Variants in SCD5 observed in about 807,000 individuals in gnomAD.
SCD5 encodes stearoyl-CoA desaturase 5, also known as acyl-CoA-desaturase 4.
Under a neutral mutation model 30.4 loss-of-function variants are expected in SCD5, and 20 were observed. The observed-to-expected ratio is 0.66, with a 90% CI of 0.46 to 0.96. SCD5 has a LOEUF of 0.96. Ranked by LOEUF, SCD5 falls within the 40% of genes least tolerant of loss-of-function variation. The pLI is 0.00. For missense variants in SCD5, 381 were observed against 443.3 expected (o/e 0.86, Z 1.26); for synonymous variants, 173 against 176.4 (o/e 0.98, Z 0.16).
At chr4:82,636,888 G>A in intron 3 of SCD5, 65 bp from the exon 4 acceptor site, 1 of 1,386,318 alleles carries the variant, frequency 7.2e-7, no homozygotes, top group Non-Finnish European at 9.8e-7. Flanking sequence ...GGCTGAGCAA[G>A]TCACAGGAAA....
At chr4:82,689,776 G>C (rs1258659023) in intron 2 of SCD5, among the ~76,000 whole-genome samples, 1 of 152,144 alleles carries the variant, frequency 6.6e-6, no homozygotes, top group Non-Finnish European at 1.5e-5. Context: ...GAGAAACTTA[G>C]CAGATGCCAC....
chr4:82,704,978 G>A (rs935653568), intron 2 of SCD5, among the ~76,000 whole-genome samples: 5 of 152,204 alleles, frequency 3.3e-5, no homozygotes, highest in Non-Finnish European at 7.3e-5. Context: ...ACAGAACTTG[G>A]CCCCTGGTTA....
intron 1 of SCD5, among the ~76,000 whole-genome samples, chr4:82,785,466 C>A (rs1412017848): frequency 6.6e-6 from 1 of 152,208 alleles, no homozygotes; most frequent in African/African-American, 2.4e-5. Flanking sequence ...TTCGTTTGTC[C>A]TGTCACTTCC....
chr4:82,662,857 CAA>C (rs11340677), intron 3 of SCD5, among the ~76,000 whole-genome samples: 16 of 72,828 alleles, frequency 2.2e-4, no homozygotes, highest in Middle Eastern at 8.2e-3. Context: ...AACTCCGTCT[CAA>C]AAAAAAAAAA....
chr4:82,727,702 T>C (rs1476026303), intron 1 of SCD5, among the ~76,000 whole-genome samples: 16 of 152,170 alleles, frequency 1.1e-4, no homozygotes, highest in Non-Finnish European at 2.9e-5. Flanking sequence ...GCCTTGAGAC[T>C]TTTTGTTTCA....
At chr4:82,637,728 A>C (rs942303634) in intron 3 of SCD5, among the ~76,000 whole-genome samples, 1 of 152,202 alleles carries the variant, frequency 6.6e-6, no homozygotes, top group African/African-American at 2.4e-5. Flanking sequence ...GGCCTCTGTT[A>C]AGATGCATAT....
At chr4:82,670,794 T>C (rs371789949) in intron 3 of SCD5, among the ~76,000 whole-genome samples, 20 of 151,568 alleles carry the variant, frequency 1.3e-4, no homozygotes, top group Admixed American at 2.6e-4. Context: ...ACATGGCAAA[T>C]ATCAATTCCA....
intron 3 of SCD5, among the ~76,000 whole-genome samples, chr4:82,639,370 G>A (rs1727493972): frequency 6.6e-6 from 1 of 152,220 alleles, no homozygotes; most frequent in South Asian, 2.1e-4. Context: ...AGGGAAGAAG[G>A]CAGCACTGGG....
At chr4:82,667,269 T>C (rs201959981) in intron 3 of SCD5, among the ~76,000 whole-genome samples, 1 of 151,112 alleles carries the variant, frequency 6.6e-6, no homozygotes, top group Non-Finnish European at 1.5e-5. Flanking sequence ...TGTATTTTTA[T>C]ACACACACAC....
chr4:82,680,230 T>C (rs577324416), intron 3 of SCD5, among the ~76,000 whole-genome samples: 33 of 152,338 alleles, frequency 2.2e-4, no homozygotes, highest in Non-Finnish European at 2.5e-4. Flanking sequence ...AGAAACCTAC[T>C]AGTGTAACGT....
intron 3 of SCD5, among the ~76,000 whole-genome samples, chr4:82,647,671 A>G (rs1271446003): frequency 6.6e-6 from 1 of 152,184 alleles, no homozygotes; most frequent in African/African-American, 2.4e-5. Context: ...GATTTGCTCC[A>G]GACAGCCTAC....
chr4:82,754,481 T>C (rs1325042271), intron 1 of SCD5, among the ~76,000 whole-genome samples: 1 of 152,090 alleles, frequency 6.6e-6, no homozygotes, highest in Non-Finnish European at 1.5e-5. Flanking sequence ...TGGGTGGTCC[T>C]AAGAGGGAGA....
At chr4:82,773,466 C>T (rs1241380653) in intron 1 of SCD5, among the ~76,000 whole-genome samples, 1 of 152,162 alleles carries the variant, frequency 6.6e-6, no homozygotes, top group East Asian at 1.9e-4. Context: ...AGTCCTTCTG[C>T]AAGTGGAGGG....
chr4:82,734,766 A>AT lies in SCD5; in HGVS notation c.233-29354dup, dbSNP rs200082291. On this transcript the variant is annotated intron_variant, in intron 1 of 4. Coordinates refer to ENST00000319540, the MANE Select transcript of SCD5 (RefSeq NM_001037582.3). ...GTCAATATTTATAAAGTTGAGCTCA[A>AT]TTTTTTTTTTTTTTTTGAGACAGGG... is the stretch of plus-strand genomic sequence containing the variant. Among the ~76,000 whole-genome samples, 851 of 139,668 alleles carry AT rather than the reference A, an allele frequency of 6.1e-3. 3 individuals carry two copies. The highest frequency in any genetic ancestry group is 0.015 in the South Asian group (64 of 4,352). The allele number at this position is 139,668 out of a possible 152,430, so 91.6% of individuals were successfully genotyped here. A position where few individuals can be genotyped will look rare whatever the true frequency, so the allele number is the denominator to read the frequency against.
chr4:82,753,235 C>G, intron 1 of SCD5: 1 of 435,014 alleles, frequency 2.3e-6, no homozygotes, highest in South Asian at 1.6e-5. Context: ...GCTTTTACAG[C>G]CACCCAAGCC....
chr4:82,745,210 C>T (rs1720955047), intron 1 of SCD5, among the ~76,000 whole-genome samples: 2 of 152,174 alleles, frequency 1.3e-5, no homozygotes, highest in African/African-American at 2.4e-5. Flanking sequence ...GATGTCTGAT[C>T]CGGTGACTAC....
intron 1 of SCD5, among the ~76,000 whole-genome samples, chr4:82,741,238 T>C (rs962263746): frequency 7.9e-5 from 12 of 152,038 alleles, no homozygotes; most frequent in Admixed American, 7.9e-4. Flanking sequence ...GCGCCCAGCC[T>C]CTTTTCCCAC....
intron 1 of SCD5, among the ~76,000 whole-genome samples, chr4:82,736,393 G>A (rs574050877): frequency 1.3e-5 from 2 of 152,098 alleles, no homozygotes; most frequent in African/African-American, 2.4e-5. Flanking sequence ...TGGATCAGCC[G>A]AGGTCAGGAG....
chr4:82,706,257 A>C (rs1719966612), intron 1 of SCD5, among the ~76,000 whole-genome samples: 1 of 152,234 alleles, frequency 6.6e-6, no homozygotes, highest in Non-Finnish European at 1.5e-5. Flanking sequence ...GGAAAAATTC[A>C]ATGTGATTCT....
Sources: gnomAD v4.1 joint callset for allele counts (sites outside exome capture counted in the v4.1 genomes callset) on GRCh38, gnomAD v4.1.1 for gene constraint, MANE v1.5 for transcripts, NCBI Gene and HGNC (gene_info 2026-07-23, HGNC 2026-07-21) for gene names.